The following TEX15 variants were observed in gnomAD, a reference collection of about 807,000 sequenced individuals.
TEX15 encodes the protein testis expressed 15, meiosis and synapsis associated, also known as testis-expressed protein 15.
Under a neutral mutation model 237.3 loss-of-function variants are expected in TEX15, and 171 were observed. That is an observed-to-expected ratio of 0.72 (90% CI 0.64 to 0.82). The LOEUF is 0.82. TEX15 is among the 40% of genes least tolerant of loss of function. TEX15 has a pLI of 0.00. For missense variants in TEX15, 3,750 were observed against 3,646.5 expected (o/e 1.03, Z -0.73); for synonymous variants, 1,338 against 1,269.8 (o/e 1.05, Z -1.14).
At chr8:30,850,971 G>C (rs577855452) in intron 7 of TEX15, among the ~76,000 whole-genome samples, 52 of 152,090 alleles carry the variant, frequency 3.4e-4, no homozygotes, top group African/African-American at 1.2e-3. Flanking sequence ...GCAAAAATTT[G>C]AAAGAATGAT....
Position 30,845,038 on chromosome 8 carries a change from A to T in TEX15, c.5129T>A (p.Ile1710Lys), listed in dbSNP as rs1237588075. The part of the protein sequence containing the change: ...FLMGPLNLTL[I>K]ASKKYSIPQL... ...AGGAATACTGTACTTTTTACTTGCT[A>T]TCAAAGTTAGGTTTAATGGGCCCAT... The change falls in exon 8 of 11, where the codon ATA (isoleucine) becomes AAA (lysine). Residue 1710 changes from isoleucine to lysine, a missense_variant. Coordinates refer to ENST00000643185, the MANE Select transcript of TEX15 (RefSeq NM_001350162.2). The T allele has an allele frequency of 6.2e-7, 1 of 1,613,572 alleles. No individual in the cohort carries two copies. Among genetic ancestry groups the T allele is most frequent in the Non-Finnish European group, 8.5e-7 (1 of 1,179,550 alleles).
chr8:30,836,768 A>C, intron 10 of TEX15, 35 bp downstream of exon 10: 1 of 1,526,418 alleles, frequency 6.6e-7, no homozygotes, highest in Non-Finnish European at 8.8e-7. Flanking sequence ...AAAAGTAACA[A>C]CTCAATAAAG....
chr8:30,885,671 G>C (rs1344780289), intron 3 of TEX15, among the ~76,000 whole-genome samples: 1 of 152,180 alleles, frequency 6.6e-6, no homozygotes, highest in Non-Finnish European at 1.5e-5. Context: ...TGCTTGAGAA[G>C]AATGTCTAAC....
Position 30,867,500 on chromosome 8 carries a change from G to A in TEX15, c.305C>T (p.Ser102Leu). ...ATGTCTTCCACTTTCACGCATCTCTGACCTAAAGTAAAACAAACAATGTAT... is the reference window on the plus strand; with the variant it reads ...ATGTCTTCCACTTTCACGCATCTCTAACCTAAAGTAAAACAAACAATGTAT... ...ELEKNFTAKR[S>L]EMRESGRHCR... Residue 102 changes from serine (S) to leucine (L), a missense_variant and splice_region_variant, in exon 5 of 11, where the codon TCA becomes TTA. Ser to Leu is a moderately radical substitution (Grantham distance 145, BLOSUM62 -2). Transcript: ENST00000643185. 6.6e-7 allele frequency: 1 copy of A among 1,523,728 alleles called. No individual in the cohort carries two copies. Among genetic ancestry groups the A allele is most frequent in the Non-Finnish European group, 8.8e-7 (1 of 1,136,670 alleles). The allele number at this position is 1,523,728 out of a possible 1,614,324, so 94.4% of individuals were successfully genotyped here.
chr8:30,858,761 C>T lies in TEX15; in HGVS notation c.757G>A (p.Val253Ile), dbSNP rs1454149073. 1.2e-5 allele frequency: 19 copies of T among 1,535,446 alleles called. No individual in the cohort carries two copies. The highest frequency in any genetic ancestry group is 1.5e-5 in the Non-Finnish European group (17 of 1,146,492). The change falls in exon 7 of 11, where the codon GTA becomes ATA. Residue 253 changes from valine to isoleucine, a missense_variant. Transcript: ENST00000643185. ...GAACCAAGAAATTTTACTGTTACTA[C>T]AGCATATGGAAGACATTGCCTAGGT... Reference protein sequence around the residue: ...DKPRQCLPYAVVTVKFLGSKV... With the variant: ...DKPRQCLPYAIVTVKFLGSKV...
Position 30,909,146 on chromosome 8 carries a change from TCAA to T in TEX15, c.-86+3730_-86+3732del. On this transcript the variant is annotated intron_variant, in intron 1 of 10. Transcript: ENST00000643185. Reference sequence around the variant, plus strand: ...ATTTATATCAGGACAAACTAGATACTCAAATCAGTTATTTTATTAATCATTATC... The same window carrying T: ...ATTTATATCAGGACAAACTAGATACTATCAGTTATTTTATTAATCATTATC... 1.3e-5 allele frequency among the ~76,000 whole-genome samples: 2 copies of T among 152,154 alleles called. 1 individual carries two copies. The highest frequency in any genetic ancestry group is 4.8e-5 in the African/African-American group (2 of 41,440).
At chr8:30,897,274 C>T (rs1256323726) in intron 2 of TEX15, among the ~76,000 whole-genome samples, 1 of 152,136 alleles carries the variant, frequency 6.6e-6, no homozygotes, top group African/African-American at 2.4e-5. Flanking sequence ...CTCCTCCTAA[C>T]ACCTATCCCT....
rs537888839 is a variant in TEX15 at position 30,870,674 on chromosome 8, A to G, written c.303-3172T>C. On this transcript the variant is annotated intron_variant, in intron 4 of 10. Transcript: ENST00000643185. ...GTATCCAGCTGGCCCAAAGTGCAAT[A>G]TAAGAACCAAAACGCTGACAGCTAA... is the stretch of plus-strand genomic sequence containing the variant. Among the ~76,000 whole-genome samples, 47 of 152,216 alleles carry G rather than the reference A, an allele frequency of 3.1e-4. No homozygotes were observed. The South Asian group carries it at 9.5e-3, about 31-fold the overall frequency.
chr8:30,884,383 C>T lies in TEX15; in HGVS notation c.136+2784G>A, dbSNP rs963533699. On this transcript the variant is annotated intron_variant, in intron 3 of 10. Transcript: ENST00000643185. ...CAGAGAATATTCCTTCTACTTGTAT[C>T]TTCTGAAAGAGATTGTAAAGAATTG... Among the ~76,000 whole-genome samples, 3 of 152,312 alleles carry T rather than the reference C, an allele frequency of 2.0e-5. No homozygotes were observed. In the East Asian group the frequency reaches 5.8e-4, roughly 29 times the overall value.
At position 30,847,850 on chromosome 8, in the gene TEX15, G is replaced by A; in HGVS notation, c.2317C>T (p.Gln773Ter). 1 of 1,613,800 alleles carries A rather than the reference G, an allele frequency of 6.2e-7. No individual in the cohort carries two copies. The highest frequency in any genetic ancestry group is 8.5e-7 in the Non-Finnish European group (1 of 1,179,944). ...GTATCAATGAACATTTCTTTGGCCT[G>A]GGGTATGTCTTTTGGTTTCGGGAAA... ...EAFPKPKDIP[Q>*]AKEMFIDTVI... is the part of the protein sequence containing the mutation. The change falls in exon 8 of 11, where the codon CAG (glutamine) becomes TAG (stop). Residue 773 changes from glutamine to a stop codon, truncating the protein, a stop_gained. Transcript: ENST00000643185. LOFTEE classifies it high-confidence loss of function.
At chr8:30,851,036 G>A (rs958878112) in intron 7 of TEX15, among the ~76,000 whole-genome samples, 6 of 151,996 alleles carry the variant, frequency 3.9e-5, no homozygotes, top group South Asian at 2.1e-4. Flanking sequence ...GTATAAATTC[G>A]TACAAATTTC....
intron 3 of TEX15, among the ~76,000 whole-genome samples, chr8:30,881,724 C>T (rs1277685771): frequency 6.6e-6 from 1 of 150,604 alleles, no homozygotes; most frequent in Middle Eastern, 3.2e-3. Context: ...TGGGTTCACA[C>T]GATTCTCCTG....
intron 5 of TEX15, among the ~76,000 whole-genome samples, chr8:30,861,178 A>G (rs2128770731): frequency 6.6e-6 from 1 of 152,262 alleles, no homozygotes. Flanking sequence ...ATGATGTGAG[A>G]CAACAGAAAA....
At position 30,867,282 on chromosome 8, in the gene TEX15, T is replaced by C. The variant is rs960653445; in HGVS notation, c.523A>G (p.Ser175Gly). 6.7e-7 allele frequency: 1 copy of C among 1,487,842 alleles called. No homozygotes were observed. Among genetic ancestry groups the C allele is most frequent in the African/African-American group, 1.4e-5 (1 of 71,932 alleles). The allele number at this position is 1,487,842 out of a possible 1,614,324, so 92.2% of individuals were successfully genotyped here. The change falls in exon 5 of 11, where the codon AGT (serine) becomes GGT (glycine). Residue 175 changes from serine to glycine, a missense_variant. Transcript: ENST00000643185. ...YSHSQSITVE[S>G]ILIFKVLFGK... ...ATACCTACCTTAAAAATTAAAATAC[T>C]TTCTACAGTAATGCTTTGACTATGA...
rs201665635 is a variant in TEX15 at position 30,845,979 on chromosome 8, T to G, written c.4188A>C (p.Thr1396=). The G allele has an allele frequency of 2.5e-6, 4 of 1,613,144 alleles. No homozygotes were observed. The Admixed American group carries it at 6.7e-5, about 27-fold the overall frequency. ...CTACTTTAGTTATAAGCTGCAAAGA[T>G]GTGTGAACTCTTCTATGAGCTTTTT... ...HLKKAHRRVH[T]SLQLITKVGE... is the part of the protein sequence containing the mutation. The change falls in exon 8 of 11, where the codon ACA becomes ACC. Residue 1396 remains threonine (T), a synonymous_variant. Coordinates refer to ENST00000643185, the MANE Select transcript of TEX15 (RefSeq NM_001350162.2).
chr8:30,834,657 G>A (rs930325880), intron 10 of TEX15, among the ~76,000 whole-genome samples: 2 of 152,184 alleles, frequency 1.3e-5, no homozygotes, highest in African/African-American at 4.8e-5. Context: ...GAGAGAGATT[G>A]TTCTATGGTC....
chr8:30,876,896 G>T (rs1808409931), intron 3 of TEX15, among the ~76,000 whole-genome samples: 2 of 152,100 alleles, frequency 1.3e-5, no homozygotes, highest in African/African-American at 4.8e-5. Flanking sequence ...TGCTAGTCTT[G>T]AGATAGTGAG....
chr8:30,874,412 CAA>C (rs1177505821), intron 4 of TEX15, among the ~76,000 whole-genome samples: 1 of 152,070 alleles, frequency 6.6e-6, no homozygotes, highest in African/African-American at 2.4e-5. Flanking sequence ...TTATTCTTAT[CAA>C]AATGACAATA....
Position 30,848,232 on chromosome 8 carries a change from A to G in TEX15, c.1935T>C (p.Asn645=). 6.2e-7 allele frequency: 1 copy of G among 1,612,510 alleles called. No homozygotes were observed. The highest frequency in any genetic ancestry group is 8.5e-7 in the Non-Finnish European group (1 of 1,179,738). Reference sequence around the variant, plus strand: ...TGATTTTTGTTTCATTAGTGAAATCATTATCAATTTCTTTCCATGAAGTTT... The same window carrying G: ...TGATTTTTGTTTCATTAGTGAAATCGTTATCAATTTCTTTCCATGAAGTTT... ...EKQTSWKEID[N]DFTNETKISP... is the part of the protein sequence containing the mutation. The change falls in exon 8 of 11, where the codon AAT becomes AAC. Residue 645 remains asparagine, a synonymous_variant. Transcript: ENST00000643185.
Sources: allele counts gnomAD v4.1 joint callset (sites outside exome capture counted in the v4.1 genomes callset), GRCh38; gene constraint gnomAD v4.1.1; transcripts MANE v1.5; gene names NCBI Gene and HGNC (gene_info 2026-07-23, HGNC 2026-07-21).